Variants in MTHFD1 observed in about 807,000 individuals in gnomAD.
The protein encoded by MTHFD1 is methylenetetrahydrofolate dehydrogenase, cyclohydrolase and formyltetrahydrofolate synthetase 1.
In MTHFD1, 44 loss-of-function variants were observed where a neutral mutation model predicts 110.3. The observed-to-expected ratio is 0.40, with a 90% CI of 0.31 to 0.51. The LOEUF (loss-of-function observed/expected upper bound fraction) is 0.51. Ranked by LOEUF, MTHFD1 falls within the 20% of genes least tolerant of loss-of-function variation. MTHFD1 has a pLI of 0.60. For synonymous variants in MTHFD1, 402 were observed against 428.8 expected (o/e 0.94, Z 0.77); for missense variants, 909 against 1,173.1 (o/e 0.77, Z 3.29).
At chr14:64,392,469 C>T (rs751648203) in intron 1 of MTHFD1, among the ~76,000 whole-genome samples, 6 of 152,128 alleles carry the variant, frequency 3.9e-5, no homozygotes, top group Non-Finnish European at 7.4e-5. Flanking sequence ...TATAATTAAG[C>T]CTGCTCTCTC....
Position 64,454,247 on chromosome 14 carries a change from C to T in MTHFD1, c.2565+386C>T, listed in dbSNP as rs60714679. 9.7e-3 allele frequency among the ~76,000 whole-genome samples: 1,477 copies of T among 152,144 alleles called. 20 individuals are homozygous for T. Among genetic ancestry groups the T allele is most frequent in the African/African-American group, 0.033 (1,383 of 41,488 alleles). On this transcript the variant is annotated intron_variant, in intron 25 of 27. Coordinates refer to ENST00000652337, the MANE Select transcript of MTHFD1 (RefSeq NM_005956.4). Reference sequence around the variant, plus strand: ...CCCACCTCAGCCTCCTGAGTAGCTGCGCCTACAGGCACGCACCACCACACC... The same window carrying T: ...CCCACCTCAGCCTCCTGAGTAGCTGTGCCTACAGGCACGCACCACCACACC...
chr14:64,414,299 T>C (rs2078008092), intron 4 of MTHFD1, among the ~76,000 whole-genome samples: 2 of 142,198 alleles, frequency 1.4e-5, no homozygotes, highest in South Asian at 4.4e-4. Flanking sequence ...TTTTTTTTTT[T>C]TTTTTTTTTT....
At chr14:64,419,970 G>A in intron 8 of MTHFD1, 45 bp downstream of exon 8, 1 of 1,308,800 alleles carries the variant, frequency 7.6e-7, no homozygotes, top group Middle Eastern at 1.8e-4. Flanking sequence ...TATTGAGGAT[G>A]GTATCTAGGT....
chr14:64,400,844 A>G lies in MTHFD1; in HGVS notation c.93A>G (p.Val31=), dbSNP rs1234123784. The change falls in exon 2 of 28, where the codon GTA becomes GTG. Residue 31 remains valine, a synonymous_variant. Coordinates refer to ENST00000652337, the MANE Select transcript of MTHFD1 (RefSeq NM_005956.4). ...KNQVTQLKEQ[V]PGFTPRLAIL... ...AAGTCACTCAGTTGAAGGAGCAAGT[A>G]CCTGGTTTCACACCACGCCTGGCAA... The G allele has an allele frequency of 6.2e-7, 1 of 1,613,706 alleles. No individual in the cohort carries two copies. The highest frequency in any genetic ancestry group is 8.5e-7 in the Non-Finnish European group (1 of 1,179,680).
chr14:64,437,525 G>A (rs1201066391), intron 16 of MTHFD1, among the ~76,000 whole-genome samples: 1 of 152,180 alleles, frequency 6.6e-6, no homozygotes, highest in Non-Finnish European at 1.5e-5. Context: ...GATATTGACT[G>A]AGTATCCTAT....
chr14:64,441,683 G>A lies in MTHFD1; in HGVS notation c.1884+230G>A, dbSNP rs2078250356. The A allele has an allele frequency of 7.1e-6, 4 of 566,822 alleles. No homozygotes were observed. The East Asian group carries it at 9.8e-5, about 14-fold the overall frequency. 35.1% of individuals were successfully genotyped at this position (566,822 alleles called of 1,614,324 possible). ...TAGCCGGGCATGGTGGCGGGCGCCT[G>A]TAGTCCCAGCTGCTCGGAAGGTTGA... On this transcript the variant is annotated intron_variant, in intron 19 of 27. Coordinates refer to ENST00000652337, the MANE Select transcript of MTHFD1 (RefSeq NM_005956.4).
chr14:64,448,082 T>C, intron 22 of MTHFD1, 135 bp from the exon 23 acceptor site: 1 of 716,532 alleles, frequency 1.4e-6, no homozygotes, highest in South Asian at 1.5e-5. Context: ...CAAGGGACCT[T>C]CTCTCTTCTT....
intron 15 of MTHFD1, among the ~76,000 whole-genome samples, chr14:64,433,023 A>G (rs921464491): frequency 6.6e-6 from 1 of 152,208 alleles, no homozygotes; most frequent in Non-Finnish European, 1.5e-5. Context: ...CAGCCTCCCA[A>G]AGTGTTGGGA....
intron 14 of MTHFD1, 72 bp from the exon 15 acceptor site, chr14:64,431,715 T>C: frequency 6.3e-7 from 1 of 1,595,200 alleles, no homozygotes; most frequent in Non-Finnish European, 8.6e-7. Flanking sequence ...TGTTGGTGTC[T>C]TGGGTGCTGA....
At chr14:64,458,392 A>G (rs776917950) in intron 27 of MTHFD1, 85 bp downstream of exon 27, 13 of 918,592 alleles carry the variant, frequency 1.4e-5, no homozygotes, top group Non-Finnish European at 2.2e-5. Context: ...CGCTATAAAA[A>G]TTCACATTCT....
chr14:64,396,417 G>T, intron 1 of MTHFD1, among the ~76,000 whole-genome samples: 1 of 121,850 alleles, frequency 8.2e-6, no homozygotes. Context: ...TTGAGATGGA[G>T]TTTCACTCTT....
chr14:64,407,431 C>T (rs759948689), intron 2 of MTHFD1, among the ~76,000 whole-genome samples: 3 of 151,054 alleles, frequency 2.0e-5, no homozygotes, highest in Admixed American at 1.3e-4. Flanking sequence ...TGTCATTGCA[C>T]TCCAGCCTGG....
At chr14:64,453,703 G>A (rs1219933949) in intron 24 of MTHFD1, 51 bp from the exon 25 acceptor site, 2 of 1,103,548 alleles carry the variant, frequency 1.8e-6, no homozygotes, top group South Asian at 2.6e-5. Context: ...CTGGTTAAAT[G>A]TCCTCACATG....
intron 6 of MTHFD1, among the ~76,000 whole-genome samples, chr14:64,416,858 G>C (rs2078029883): frequency 2.6e-5 from 4 of 152,190 alleles, no homozygotes; most frequent in Admixed American, 2.6e-4. Flanking sequence ...CCCTGATGCA[G>C]CTTTAACTCT....
chr14:64,400,905 G>A, intron 2 of MTHFD1, 28 bp downstream of exon 2: 1 of 1,500,708 alleles, frequency 6.7e-7, no homozygotes, highest in East Asian at 2.3e-5. Context: ...TTTCATTAAT[G>A]TTGTCTTTGC....
intron 23 of MTHFD1, 86 bp downstream of exon 23, chr14:64,448,403 T>C (rs978592021): frequency 2.7e-6 from 3 of 1,095,990 alleles, no homozygotes; most frequent in Non-Finnish European, 4.2e-6. Flanking sequence ...TTTATTTTGT[T>C]TTTCAGTTAC....
rs2078255664 is a variant in MTHFD1, at chr14:64,442,318, A to G, written c.2052A>G (p.Lys684=). The G allele has an allele frequency of 1.2e-6, 2 of 1,614,230 alleles. No homozygotes were observed. Among genetic ancestry groups the G allele is most frequent in the Non-Finnish European group, 1.7e-6 (2 of 1,180,032 alleles). Residue 684 remains lysine (K), a synonymous_variant, in exon 21 of 28, where the codon AAA becomes AAG. Transcript: ENST00000652337. ...GAATGGAAAAGTTTTTTAACATCAA[A>G]TGCCGGTATTCCGGCCTCTGCCCCC... The part of the protein sequence containing the change: ...DIGMEKFFNI[K]CRYSGLCPHV...
rs1186810972 is a variant in MTHFD1 at position 64,415,470 on chromosome 14, T to C, written c.353T>C (p.Ile118Thr). The change falls in exon 5 of 28, where the codon ATT becomes ACT. Residue 118 changes from isoleucine (I) to threonine (T), a missense_variant. Physicochemically the swap from Ile to Thr is moderately conservative, Grantham distance 89 (BLOSUM62 -1). Transcript: ENST00000652337. Reference protein sequence around the residue: ...SINTEEVINAIAPEKDVDGLT... With the variant: ...SINTEEVINATAPEKDVDGLT... ...AACACTGAAGAAGTGATCAATGCTA[T>C]TGCACCCGAGAAGGATGTGGATGGG... The C allele has an allele frequency of 6.2e-7, 1 of 1,614,196 alleles. No homozygotes were observed. The highest frequency in any genetic ancestry group is 8.5e-7 in the Non-Finnish European group (1 of 1,180,022).
chr14:64,444,090 C>T (rs967527504), intron 21 of MTHFD1, among the ~76,000 whole-genome samples: 4 of 141,282 alleles, frequency 2.8e-5, no homozygotes, highest in African/African-American at 1.0e-4. Context: ...GGCTGAGCCA[C>T]GGCATAGATC....
Sources: gnomAD v4.1 joint callset for allele counts (sites outside exome capture counted in the v4.1 genomes callset) on GRCh38, gnomAD v4.1.1 for gene constraint, MANE v1.5 for transcripts, NCBI Gene and HGNC (gene_info 2026-07-23, HGNC 2026-07-21) for gene names.